The following FRMD4A variants were observed in gnomAD, a reference collection of about 807,000 sequenced individuals.
FRMD4A encodes FERM domain-containing protein 4A.
A neutral mutation model predicts 129.1 loss-of-function variants in FRMD4A; 29 were observed. That is an observed-to-expected ratio of 0.22 (90% CI 0.17 to 0.31). FRMD4A has a LOEUF of 0.31. Ranked by LOEUF, FRMD4A falls within the 10% of genes least tolerant of loss-of-function variation. The pLI, the probability that FRMD4A is intolerant of heterozygous loss-of-function variation, is 1.00. For missense variants in FRMD4A, 1,272 were observed against 1,375.8 expected, an observed-to-expected ratio of 0.92 and a Z score of 1.19; for synonymous variants, 634 against 571.6, an observed-to-expected ratio of 1.11 and a Z score of -1.56.
At chr10:14,164,985 G>C (rs1033655688) in intron 2 of FRMD4A, among the ~76,000 whole-genome samples, 6 of 152,092 alleles carry the variant, frequency 3.9e-5, no homozygotes, top group South Asian at 2.1e-4. Context: ...CAAAAGATTG[G>C]ACACCCCTGG....
chr10:14,321,225 A>G (rs1168902700), intron 2 of FRMD4A, among the ~76,000 whole-genome samples: 1 of 152,140 alleles, frequency 6.6e-6, no homozygotes, highest in Non-Finnish European at 1.5e-5. Context: ...TGAATAAAGT[A>G]TAGAGAAATA....
chr10:14,168,314 G>C (rs1205293875), intron 2 of FRMD4A, among the ~76,000 whole-genome samples: 2 of 152,186 alleles, frequency 1.3e-5, no homozygotes, highest in East Asian at 3.8e-4. Flanking sequence ...GTCCAACCTC[G>C]TAAGAGCTGA....
intron 3 of FRMD4A, among the ~76,000 whole-genome samples, chr10:13,826,499 T>C: frequency 6.6e-6 from 1 of 152,180 alleles, no homozygotes; most frequent in Middle Eastern, 3.2e-3. Flanking sequence ...TAAAATTCCA[T>C]TTATTGGCCA....
chr10:14,118,680 C>A (rs372932674), intron 2 of FRMD4A, among the ~76,000 whole-genome samples: 3 of 152,122 alleles, frequency 2.0e-5, no homozygotes, highest in South Asian at 4.1e-4. Context: ...ACACAGTGGC[C>A]GGCAAGAGAG....
chr10:13,890,694 T>G, intron 2 of FRMD4A: 1 of 985,208 alleles, frequency 1.0e-6, no homozygotes, highest in South Asian at 4.7e-5. Context: ...ACTGGGATGC[T>G]CCATTCATAG....
At chr10:13,894,639 TC>T (rs1421928086) in intron 2 of FRMD4A, among the ~76,000 whole-genome samples, 1 of 152,188 alleles carries the variant, frequency 6.6e-6, no homozygotes, top group Non-Finnish European at 1.5e-5. Context: ...CTGCTTCCTC[TC>T]CCTGGAAGGC....
chr10:14,019,577 TTTTC>T (rs1213480465), intron 2 of FRMD4A, among the ~76,000 whole-genome samples: 1 of 152,152 alleles, frequency 6.6e-6, no homozygotes, highest in Non-Finnish European at 1.5e-5. Context: ...GAGCCTGGGT[TTTTC>T]TTTCTAAGCC....
chr10:14,221,213 G>A (rs1253162958), intron 2 of FRMD4A, among the ~76,000 whole-genome samples: 1 of 152,188 alleles, frequency 6.6e-6, no homozygotes, highest in African/African-American at 2.4e-5. Flanking sequence ...CTACTGCCCT[G>A]AGGCCCCTTA....
chr10:13,895,933 G>C (rs2094753014), intron 2 of FRMD4A, among the ~76,000 whole-genome samples: 2 of 152,298 alleles, frequency 1.3e-5, no homozygotes, highest in East Asian at 1.9e-4. Flanking sequence ...CGTCATCACT[G>C]GTCATCAGAG....
At chr10:14,223,934 G>A (rs954167531) in intron 2 of FRMD4A, among the ~76,000 whole-genome samples, 6 of 152,090 alleles carry the variant, frequency 3.9e-5, no homozygotes, top group East Asian at 1.9e-4. Context: ...TTCCTGCTAA[G>A]CAACAAACTG....
At chr10:13,665,745 G>C (rs1046776892) in intron 18 of FRMD4A, among the ~76,000 whole-genome samples, 2 of 152,228 alleles carry the variant, frequency 1.3e-5, no homozygotes, top group African/African-American at 2.4e-5. Context: ...CTTGAGTAGG[G>C]GTGGTCAGGT....
intron 2 of FRMD4A, chr10:13,992,043 G>A (rs1403525908): frequency 3.3e-5 from 5 of 152,136 alleles, no homozygotes; most frequent in South Asian, 2.1e-4. Flanking sequence ...AGGAATTAAC[G>A]GAGTGGAATA....
chr10:14,273,329 A>G (rs916202217), intron 2 of FRMD4A, among the ~76,000 whole-genome samples: 1 of 152,150 alleles, frequency 6.6e-6, no homozygotes, highest in Non-Finnish European at 1.5e-5. Flanking sequence ...AGCTTGGGTG[A>G]TTTGAAGTTA....
intron 3 of FRMD4A, among the ~76,000 whole-genome samples, chr10:13,843,250 G>A (rs954846330): frequency 1.3e-5 from 2 of 152,100 alleles, no homozygotes; most frequent in Non-Finnish European, 2.9e-5. Context: ...GGTGCCGACC[G>A]GGAACTTGCA....
rs145116025 is a variant in FRMD4A at position 13,843,156 on chromosome 10, T to C, written c.111+15691A>G. Among the ~76,000 whole-genome samples, 423 of 152,310 alleles carry C rather than the reference T, an allele frequency of 2.8e-3. 2 individuals carry two copies. The highest frequency in any genetic ancestry group is 9.7e-3 in the African/African-American group (403 of 41,570). ...TTAATCCAACATGCAGTACCAAGTATGCAGGCTCCAGACAGCCTATGCTGC... is the reference window on the plus strand; with the variant it reads ...TTAATCCAACATGCAGTACCAAGTACGCAGGCTCCAGACAGCCTATGCTGC... On this transcript the variant is annotated intron_variant, in intron 3 of 24. Transcript: ENST00000357447.
chr10:14,003,982 T>G (rs567365938), intron 2 of FRMD4A, among the ~76,000 whole-genome samples: 66 of 152,378 alleles, frequency 4.3e-4, no homozygotes, highest in East Asian at 1.3e-3. Context: ...TTTACTTTAC[T>G]TCTGGAATAA....
intron 2 of FRMD4A, among the ~76,000 whole-genome samples, chr10:14,296,294 G>C (rs937354408): frequency 1.3e-5 from 2 of 152,218 alleles, no homozygotes; most frequent in African/African-American, 4.8e-5. Flanking sequence ...GGGCTCCATA[G>C]AAAGAGCTAA....
At chr10:13,715,845 G>A (rs1217660121) in intron 12 of FRMD4A, among the ~76,000 whole-genome samples, 1 of 148,898 alleles carries the variant, frequency 6.7e-6, no homozygotes, top group East Asian at 2.0e-4. Flanking sequence ...GGCGGAGGTT[G>A]CAGTGAGCAG....
chr10:13,926,559 T>A (rs2095135684), intron 2 of FRMD4A, among the ~76,000 whole-genome samples: 1 of 152,210 alleles, frequency 6.6e-6, no homozygotes, highest in African/African-American at 2.4e-5. Context: ...GGCTTTATAA[T>A]GTCATCTCCT....
Sources: gnomAD v4.1 joint callset for allele counts (sites outside exome capture counted in the v4.1 genomes callset) on GRCh38, gnomAD v4.1.1 for gene constraint, MANE v1.5 for transcripts, NCBI Gene and HGNC (gene_info 2026-07-23, HGNC 2026-07-21) for gene names.